Variants in SLC35F1 observed in about 807,000 individuals in gnomAD.
SLC35F1 encodes solute carrier family 35 member F1.
In SLC35F1, 14 loss-of-function variants were observed where a neutral mutation model predicts 48.7. The ratio of observed to expected loss-of-function variants is 0.29; its 90% CI spans 0.19 to 0.45. The LOEUF (loss-of-function observed/expected upper bound fraction) is 0.45. Ranked by LOEUF, SLC35F1 falls within the 20% of genes least tolerant of loss-of-function variation. SLC35F1 has a pLI of 1.00. For synonymous variants in SLC35F1, 190 were observed against 202.2 expected, an observed-to-expected ratio of 0.94 and a Z score of 0.51; for missense variants, 404 against 500.0, an observed-to-expected ratio of 0.81 and a Z score of 1.83.
intron 1 of SLC35F1, among the ~76,000 whole-genome samples, chr6:117,915,303 G>C (rs552965527): frequency 6.6e-6 from 1 of 152,132 alleles, no homozygotes; most frequent in South Asian, 2.1e-4. Context: ...TACATTGTAT[G>C]TTTTTCTTCT....
intron 2 of SLC35F1, among the ~76,000 whole-genome samples, chr6:118,207,355 G>A (rs1774948388): frequency 6.6e-6 from 1 of 152,196 alleles, no homozygotes; most frequent in African/African-American, 2.4e-5. Context: ...TTGACCTTAA[G>A]AAATAATTCC....
chr6:117,923,755 A>ATG (rs1191400217), intron 1 of SLC35F1, among the ~76,000 whole-genome samples: 82 of 2,810 alleles, frequency 0.029, 9 homozygotes, highest in Non-Finnish European at 0.083. Flanking sequence ...ATGTACATAT[A>ATG]TACATATGCA....
chr6:118,127,318 C>G (rs547135987), intron 1 of SLC35F1, among the ~76,000 whole-genome samples: 3 of 152,050 alleles, frequency 2.0e-5, no homozygotes, highest in African/African-American at 7.2e-5. Context: ...GCCTTGCATC[C>G]CAGGGATGAA....
At chr6:118,020,096 A>G (rs1777374698) in intron 1 of SLC35F1, among the ~76,000 whole-genome samples, 2 of 152,184 alleles carry the variant, frequency 1.3e-5, no homozygotes, top group South Asian at 4.1e-4. Flanking sequence ...CTTTATTATC[A>G]TGGAACTAAT....
chr6:118,008,207 CAT>C (rs1317772969), intron 1 of SLC35F1, among the ~76,000 whole-genome samples: 1 of 151,930 alleles, frequency 6.6e-6, no homozygotes, highest in African/African-American at 2.4e-5. Flanking sequence ...ATCAAAATAT[CAT>C]ATGTGCCCCC....
At chr6:118,068,621 G>A (rs981410316) in intron 1 of SLC35F1, among the ~76,000 whole-genome samples, 11 of 152,326 alleles carry the variant, frequency 7.2e-5, no homozygotes, top group Non-Finnish European at 4.4e-5. Context: ...TGAGGGAGAT[G>A]AGATTTTTCC....
intron 1 of SLC35F1, among the ~76,000 whole-genome samples, chr6:118,104,705 T>C (rs1251362245): frequency 6.6e-6 from 1 of 152,186 alleles, no homozygotes; most frequent in South Asian, 2.1e-4. Flanking sequence ...ATCTTGAAGA[T>C]AGGAGCTGCA....
intron 2 of SLC35F1, among the ~76,000 whole-genome samples, chr6:118,185,261 T>C (rs949690764): frequency 2.0e-5 from 3 of 152,212 alleles, no homozygotes; most frequent in Non-Finnish European, 4.4e-5. Context: ...TCCAGAACTC[T>C]GCATTTACTG....
intron 1 of SLC35F1, among the ~76,000 whole-genome samples, chr6:118,065,725 T>C (rs917215071): frequency 2.0e-5 from 3 of 152,156 alleles, no homozygotes; most frequent in Non-Finnish European, 4.4e-5. Context: ...GTTTTTATAA[T>C]GCAGATTACT....
At chr6:117,991,151 C>A (rs1306995752) in intron 1 of SLC35F1, among the ~76,000 whole-genome samples, 2 of 152,070 alleles carry the variant, frequency 1.3e-5, no homozygotes, top group East Asian at 3.8e-4. Flanking sequence ...GAATATAGTG[C>A]CCTCAACCCA....
At chr6:118,002,854 A>T (rs1032360946) in intron 1 of SLC35F1, among the ~76,000 whole-genome samples, 1 of 152,046 alleles carries the variant, frequency 6.6e-6, no homozygotes, top group African/African-American at 2.4e-5. Flanking sequence ...TGAGAATTAA[A>T]AAAATTGACA....
At chr6:118,277,355 T>C in intron 5 of SLC35F1, 139 bp from the exon 6 acceptor site, 1 of 762,192 alleles carries the variant, frequency 1.3e-6, no homozygotes, top group Non-Finnish European at 2.2e-6. Flanking sequence ...TGCTTCTGCA[T>C]GACCCAAAAT....
chr6:118,156,777 A>T (rs1407114619), intron 2 of SLC35F1, among the ~76,000 whole-genome samples: 1 of 152,124 alleles, frequency 6.6e-6, no homozygotes, highest in Non-Finnish European at 1.5e-5. Flanking sequence ...GGATTTAAAA[A>T]TTTTCTGAAA....
intron 2 of SLC35F1, among the ~76,000 whole-genome samples, chr6:118,190,312 T>G (rs1040966881): frequency 6.6e-6 from 1 of 152,156 alleles, no homozygotes; most frequent in Admixed American, 6.5e-5. Flanking sequence ...CCAGGATCTA[T>G]GTGTTTCCTT....
intron 1 of SLC35F1, among the ~76,000 whole-genome samples, chr6:118,041,016 A>AT (rs5879444): frequency 0.29 from 44,428 of 151,818 alleles, 7,238 homozygotes; most frequent in East Asian, 0.48. Flanking sequence ...TGTCTTTCTG[A>AT]TTTTTTCTAG....
At chr6:118,085,487 C>CTTT (rs59548308) in intron 1 of SLC35F1, among the ~76,000 whole-genome samples, 989 of 56,962 alleles carry the variant, frequency 0.017, 249 homozygotes, top group African/African-American at 0.041. Flanking sequence ...TCTTTCTTTC[C>CTTT]TTTTTTTTTT....
At chr6:118,096,893 C>G (rs1773184529) in intron 1 of SLC35F1, among the ~76,000 whole-genome samples, 1 of 152,186 alleles carries the variant, frequency 6.6e-6, no homozygotes, top group Non-Finnish European at 1.5e-5. Flanking sequence ...GACTCACTCT[C>G]CTTTTTATTC....
intron 7 of SLC35F1, among the ~76,000 whole-genome samples, chr6:118,287,655 T>C (rs1776067318): frequency 6.6e-6 from 1 of 152,198 alleles, no homozygotes; most frequent in Non-Finnish European, 1.5e-5. Flanking sequence ...TCTGATGCCC[T>C]CTGAGTTTGA....
intron 7 of SLC35F1, 149 bp downstream of exon 7, chr6:118,285,487 C>G: frequency 1.2e-6 from 1 of 837,684 alleles, no homozygotes; most frequent in Admixed American, 2.2e-5. Context: ...TAGGTATTCA[C>G]ATTTCAGCTA....
Sources: gnomAD v4.1 joint callset for allele counts (sites outside exome capture counted in the v4.1 genomes callset) on GRCh38, gnomAD v4.1.1 for gene constraint, MANE v1.5 for transcripts, NCBI Gene and HGNC (gene_info 2026-07-23, HGNC 2026-07-21) for gene names.